The following SMG6 variants were observed in gnomAD, a reference collection of about 807,000 sequenced individuals.
SMG6 encodes telomerase-binding protein EST1A.
A neutral mutation model predicts 142.2 loss-of-function variants in SMG6; 66 were observed. That is an observed-to-expected ratio of 0.46 (90% CI 0.38 to 0.57). The LOEUF is 0.57. Ranked by LOEUF, SMG6 falls within the 20% of genes least tolerant of loss-of-function variation. The pLI is 0.00. For missense variants in SMG6, 1,793 were observed against 1,832.0 expected, an observed-to-expected ratio of 0.98 and a Z score of 0.39; for synonymous variants, 779 against 702.4, an observed-to-expected ratio of 1.11 and a Z score of -1.72.
At chr17:2,236,353 T>C in intron 10 of SMG6, 139 bp downstream of exon 10, 1 of 689,610 alleles carries the variant, frequency 1.5e-6, no homozygotes, top group Non-Finnish European at 2.3e-6. Flanking sequence ...GAGACAATGG[T>C]AGGAAGCGTA....
intron 13 of SMG6, among the ~76,000 whole-genome samples, chr17:2,156,992 G>C (rs1217670045): frequency 2.0e-5 from 3 of 152,150 alleles, no homozygotes; most frequent in Admixed American, 2.0e-4. Context: ...AGTAAGGGAA[G>C]GGTTTAAAAA....
chr17:2,169,194 G>T (rs994567796), intron 13 of SMG6, among the ~76,000 whole-genome samples: 1 of 151,942 alleles, frequency 6.6e-6, no homozygotes, highest in Non-Finnish European at 1.5e-5. Flanking sequence ...GCTTGAACCC[G>T]GGAGAAAGAG....
intron 12 of SMG6, among the ~76,000 whole-genome samples, chr17:2,183,745 GACACACACACACACACAC>G (rs56210030): frequency 0.017 from 2,496 of 146,432 alleles, 45 homozygotes; most frequent in South Asian, 0.062. Context: ...AGGTGCGTGC[GACACACACACACACACAC>G]ACACACACAC....
intron 4 of SMG6, among the ~76,000 whole-genome samples, chr17:2,297,012 A>G (rs1425254502): frequency 6.9e-6 from 1 of 145,628 alleles, no homozygotes; most frequent in African/African-American, 2.5e-5. Context: ...CAAAAAATGA[A>G]AAAAAAAAAA....
At chr17:2,095,435 A>G (rs2068830320) in intron 13 of SMG6, among the ~76,000 whole-genome samples, 3 of 152,330 alleles carry the variant, frequency 2.0e-5, no homozygotes, top group African/African-American at 7.2e-5. Context: ...TCTCGGAGAC[A>G]TCTGTAGTCT....
At chr17:2,161,995 T>G (rs918929828) in intron 13 of SMG6, among the ~76,000 whole-genome samples, 24 of 152,176 alleles carry the variant, frequency 1.6e-4, no homozygotes, top group African/African-American at 5.3e-4. Flanking sequence ...AAGACTTATG[T>G]GTAAGGCTCC....
intron 8 of SMG6, among the ~76,000 whole-genome samples, chr17:2,253,274 T>C (rs1432027666): frequency 6.6e-6 from 1 of 152,038 alleles, no homozygotes; most frequent in Non-Finnish European, 1.5e-5. Flanking sequence ...CCTGAGCAGC[T>C]GGGACTACAG....
chr17:2,174,828 A>G (rs183046433), intron 12 of SMG6, among the ~76,000 whole-genome samples: 1 of 152,296 alleles, frequency 6.6e-6, no homozygotes, highest in East Asian at 1.9e-4. Context: ...GATCTGCCTG[A>G]GCTCCTTTGT....
chr17:2,205,604 CA>C (rs2072654500), intron 10 of SMG6, among the ~76,000 whole-genome samples: 1 of 151,992 alleles, frequency 6.6e-6, no homozygotes, highest in South Asian at 2.1e-4. Flanking sequence ...TCCTGTCAGG[CA>C]AAGCAAAAGA....
rs140066447 is a variant in SMG6, at chr17:2,113,090, C to T, written c.3358-27189G>A. On this transcript the variant is annotated intron_variant, in intron 13 of 18. Coordinates refer to ENST00000263073, the MANE Select transcript of SMG6 (RefSeq NM_017575.5). ...TTCTTTTTTAAGAGACAGAGTCTTG[C>T]TCTGTCACCCAGGCTGGAGTGCAGT... is the stretch of plus-strand genomic sequence containing the variant. 7.1e-3 allele frequency among the ~76,000 whole-genome samples: 1,073 copies of T among 152,018 alleles called. 4 individuals carry two copies. The highest frequency in any genetic ancestry group is 1.0e-2 in the Non-Finnish European group (678 of 67,952).
chr17:2,074,927 G>C (rs1361367074), intron 15 of SMG6, among the ~76,000 whole-genome samples: 1 of 152,252 alleles, frequency 6.6e-6, no homozygotes, highest in Non-Finnish European at 1.5e-5. Flanking sequence ...ACAGTGGCCT[G>C]GCCACTCTGT....
At chr17:2,225,826 G>A (rs1438779570) in intron 10 of SMG6, among the ~76,000 whole-genome samples, 4 of 152,106 alleles carry the variant, frequency 2.6e-5, no homozygotes, top group South Asian at 4.1e-4. Flanking sequence ...GTAGGGGCAC[G>A]ACGACAACGG....
chr17:2,118,247 AAAC>A (rs1335486774), intron 13 of SMG6, among the ~76,000 whole-genome samples: 3 of 150,726 alleles, frequency 2.0e-5, no homozygotes, highest in Non-Finnish European at 4.4e-5. Flanking sequence ...TCAAAAAACA[AAAC>A]AACAGGAATG....
At chr17:2,239,005 G>C (rs1186488954) in intron 9 of SMG6, among the ~76,000 whole-genome samples, 1 of 152,164 alleles carries the variant, frequency 6.6e-6, no homozygotes, top group Non-Finnish European at 1.5e-5. Context: ...ATAAAGAGAG[G>C]AACCCTCCTC....
chr17:2,132,651 C>A (rs889525611), intron 13 of SMG6, among the ~76,000 whole-genome samples: 2 of 152,216 alleles, frequency 1.3e-5, no homozygotes, highest in Admixed American at 6.5e-5. Flanking sequence ...TTTTCTCATG[C>A]AAGTTCCTAC....
intron 10 of SMG6, among the ~76,000 whole-genome samples, chr17:2,193,549 T>C (rs965622546): frequency 4.6e-5 from 7 of 152,134 alleles, no homozygotes; most frequent in African/African-American, 1.7e-4. Flanking sequence ...TAGGGAAATA[T>C]GGGGGCAAAG....
chr17:2,189,732 C>A (rs1015226184), intron 10 of SMG6, among the ~76,000 whole-genome samples: 5 of 152,154 alleles, frequency 3.3e-5, no homozygotes, highest in Non-Finnish European at 5.9e-5. Flanking sequence ...ACCATCTTTG[C>A]CCCAGGAGCA....
chr17:2,296,284 T>A (rs144145496), intron 4 of SMG6, among the ~76,000 whole-genome samples: 69 of 152,264 alleles, frequency 4.5e-4, no homozygotes, highest in African/African-American at 1.7e-3. Flanking sequence ...TTCCCAACAA[T>A]GCCTGGTTCT....
intron 10 of SMG6, among the ~76,000 whole-genome samples, chr17:2,218,093 T>C (rs1445541934): frequency 1.3e-5 from 2 of 151,434 alleles, no homozygotes; most frequent in East Asian, 1.9e-4. Flanking sequence ...TGTTTAAATG[T>C]CTGGCTGAGT....
Sources: allele counts gnomAD v4.1 joint callset (sites outside exome capture counted in the v4.1 genomes callset), GRCh38; gene constraint gnomAD v4.1.1; transcripts MANE v1.5; gene names NCBI Gene and HGNC (gene_info 2026-07-23, HGNC 2026-07-21).